The following DOT1L variants were observed in gnomAD, a reference collection of about 807,000 sequenced individuals.
DOT1L encodes the protein DOT1 like histone lysine methyltransferase.
Under a neutral mutation model 153.3 loss-of-function variants are expected in DOT1L, and 33 were observed. The observed-to-expected ratio is 0.22, with a 90% confidence interval of 0.16 to 0.29. DOT1L has a LOEUF of 0.29. DOT1L is among the 10% of genes least tolerant of loss of function. DOT1L has a pLI of 1.00. For missense variants in DOT1L, 1,847 were observed against 2,119.9 expected (o/e 0.87, Z 2.53); for synonymous variants, 1,135 against 965.1 (o/e 1.18, Z -3.26).
rs369384556 is a variant in DOT1L, at chr19:2,166,077, A to ATATGTTATGT, written c.81+1829_81+1838dup. On this transcript the variant is annotated intron_variant, in intron 1 of 27. Coordinates refer to ENST00000398665, the MANE Select transcript of DOT1L (RefSeq NM_032482.3). Reference sequence around the variant, plus strand: ...GAGCCACCGCGCCCGGCCCACATTTATATGTTATGTTATGTTATGTTATGT... The same window carrying ATATGTTATGT: ...GAGCCACCGCGCCCGGCCCACATTTATATGTTATGTTATGTTATGTTATGTTATGTTATGT... Among the ~76,000 whole-genome samples, 483 of 146,414 alleles carry ATATGTTATGT rather than the reference A, an allele frequency of 3.3e-3. 3 individuals are homozygous for ATATGTTATGT. The highest frequency in any genetic ancestry group is 0.012 in the African/African-American group (452 of 39,278).
In DOT1L at chr19:2,226,882, C is replaced by T. The variant is rs1303690024; in HGVS notation, c.4361C>T (p.Ala1454Val). The T allele has an allele frequency of 3.2e-6, 5 of 1,574,302 alleles. No homozygotes were observed. Among genetic ancestry groups the T allele is most frequent in the South Asian group, 1.1e-5 (1 of 88,208 alleles). The change falls in exon 27 of 28, where the codon GCG becomes GTG. Residue 1454 changes from alanine (A) to valine (V), a missense_variant. By Grantham distance (64) the Ala-to-Val change is moderately conservative (BLOSUM62 0). Around this residue, in one of 8 missense-constraint regions of DOT1L, gnomAD observed 934 missense variants for 825.3 expected, o/e 1.13. Transcript: ENST00000398665. ...LAPAASSAGG[A>V]ASSAQTHRSF... Reference sequence around the variant, plus strand: ...CCGGCGGCGTCCTCCGCAGGCGGCGCGGCGTCCTCCGCCCAGACGCACCGG... The same window carrying T: ...CCGGCGGCGTCCTCCGCAGGCGGCGTGGCGTCCTCCGCCCAGACGCACCGG...
rs761082911 is a variant in DOT1L at position 2,220,076 on chromosome 19, T to A, written c.2692-32T>A. ...GTTCTGGGTCTCCTGGGGCACCTGCTGCCCCTGACACACAGGGTTTTCTCT... is the reference window on the plus strand; with the variant it reads ...GTTCTGGGTCTCCTGGGGCACCTGCAGCCCCTGACACACAGGGTTTTCTCT... On this transcript the variant is annotated intron_variant, in intron 22 of 27. Coordinates refer to ENST00000398665, the MANE Select transcript of DOT1L (RefSeq NM_032482.3). The surrounding 1 kb of genome is among the most constrained non-coding windows in gnomAD (Gnocchi z 4.5). The A allele has an allele frequency of 2.5e-6, 4 of 1,569,962 alleles. No individual in the cohort carries two copies. Among genetic ancestry groups the A allele is most frequent in the Non-Finnish European group, 3.5e-6 (4 of 1,151,806 alleles).
Position 2,216,667 on chromosome 19 carries a change from C to G in DOT1L, c.2310C>G (p.Asp770Glu), listed in dbSNP as rs1179273862. The change falls in exon 20 of 28, where the codon GAC (aspartate) becomes GAG (glutamate). Residue 770 changes from aspartate to glutamate, a missense_variant. Asp to Glu is a conservative substitution (Grantham distance 45). Around this residue, in one of 8 missense-constraint regions of DOT1L, gnomAD observed 281 missense variants for 263.6 expected, o/e 1.07. Coordinates refer to ENST00000398665, the MANE Select transcript of DOT1L (RefSeq NM_032482.3). ...AGCTGTCTGGCCTAGCCGCACCCGA[C>G]TACACTAGGCTGTCCCCGGCCAAGA... ...LEKLSGLAAP[D>E]YTRLSPAKIV... 3 of 1,604,294 alleles carry G rather than the reference C, an allele frequency of 1.9e-6. No individual in the cohort carries two copies. The highest frequency in any genetic ancestry group is 1.3e-5 in the African/African-American group (1 of 75,062).
intron 1 of DOT1L, among the ~76,000 whole-genome samples, chr19:2,167,469 G>C (rs979810295): frequency 3.3e-5 from 5 of 152,222 alleles, no homozygotes; most frequent in African/African-American, 7.2e-5. Flanking sequence ...GGCGGGAGCG[G>C]GCTTTCTAGT....
chr19:2,177,792 C>A (rs186001331), intron 1 of DOT1L, among the ~76,000 whole-genome samples: 26 of 152,028 alleles, frequency 1.7e-4, no homozygotes, highest in African/African-American at 5.8e-4. Flanking sequence ...GCTGGAATCT[C>A]ACTCTGCTGC....
At chr19:2,196,593 A>T (rs2023029564) in intron 7 of DOT1L, among the ~76,000 whole-genome samples, 1 of 152,104 alleles carries the variant, frequency 6.6e-6, no homozygotes, top group Non-Finnish European at 1.5e-5. Flanking sequence ...TGCCTCCCAA[A>T]GTGCTGGGAT....
rs762128177 is a variant in DOT1L at position 2,216,542 on chromosome 19, C to G, written c.2185C>G (p.Pro729Ala). Reference protein sequence around the residue: ...GYELCGVLSRPSSKQNTPQYL... With the variant: ...GYELCGVLSRASSKQNTPQYL... ...TGAGCTCTGCGGTGTGCTGAGCCGG[C>G]CTTCGTCGAAGCAGAACACGCCCCA... Residue 729 changes from proline to alanine, a missense_variant, in exon 20 of 28, where the codon CCT (proline) becomes GCT (alanine). Physicochemically the swap from Pro to Ala is conservative, Grantham distance 27. Coordinates refer to ENST00000398665, the MANE Select transcript of DOT1L (RefSeq NM_032482.3). 6.2e-7 allele frequency: 1 copy of G among 1,611,102 alleles called. No homozygotes were observed. Among genetic ancestry groups the G allele is most frequent in the Non-Finnish European group, 8.5e-7 (1 of 1,179,784 alleles).
At chr19:2,186,536 T>C (rs989653650) in intron 3 of DOT1L, among the ~76,000 whole-genome samples, 1 of 152,220 alleles carries the variant, frequency 6.6e-6, no homozygotes, top group Non-Finnish European at 1.5e-5. Flanking sequence ...CATCAAGGGC[T>C]GTGCTGTCGT....
Position 2,190,914 on chromosome 19 carries a change from G to T in DOT1L, c.265-98G>T. Reference sequence around the variant, plus strand: ...CAGGGGGACGAGAGGCCATGCAGCCGACTCCCTGCTTCCGCTGGGAAAGGT... The same window carrying T: ...CAGGGGGACGAGAGGCCATGCAGCCTACTCCCTGCTTCCGCTGGGAAAGGT... On this transcript the variant is annotated intron_variant, in intron 4 of 27. Coordinates refer to ENST00000398665, the MANE Select transcript of DOT1L (RefSeq NM_032482.3). The surrounding 1 kb of genome is among the most constrained non-coding windows in gnomAD (Gnocchi z 4.8). The T allele has an allele frequency of 8.4e-7, 1 of 1,184,508 alleles. No homozygotes were observed. Among genetic ancestry groups the T allele is most frequent in the Admixed American group, 2.2e-5 (1 of 45,050 alleles). The allele number at this position is 1,184,508 out of a possible 1,614,324, so 73.4% of individuals were successfully genotyped here.
chr19:2,192,672 CAAAA>C (rs71176526), intron 5 of DOT1L, among the ~76,000 whole-genome samples: 3 of 95,104 alleles, frequency 3.2e-5, no homozygotes, highest in Non-Finnish European at 6.4e-5. Flanking sequence ...GACTCCGTCT[CAAAA>C]AAAAAAAAAA....
chr19:2,173,489 C>T (rs570752349), intron 1 of DOT1L, among the ~76,000 whole-genome samples: 65 of 152,312 alleles, frequency 4.3e-4, no homozygotes, highest in Non-Finnish European at 7.6e-4. Context: ...CAGAGCAGGG[C>T]GTCCTCGGGG....
intron 27 of DOT1L, chr19:2,227,955 G>T (rs771784484): frequency 3.9e-5 from 49 of 1,241,138 alleles, no homozygotes; most frequent in Non-Finnish European, 4.7e-5. Context: ...TGCGCACCTG[G>T]GCCGGTCCCC....
At chr19:2,167,034 A>AT (rs2019948345) in intron 1 of DOT1L, among the ~76,000 whole-genome samples, 2 of 151,874 alleles carry the variant, frequency 1.3e-5, no homozygotes, top group African/African-American at 4.8e-5. Context: ...AAGTTACCCC[A>AT]TTTTTTTGCT....
intron 1 of DOT1L, among the ~76,000 whole-genome samples, chr19:2,165,119 G>C (rs953852050): frequency 2.6e-5 from 4 of 152,178 alleles, no homozygotes; most frequent in Non-Finnish European, 4.4e-5. Context: ...GAGGCGGGGC[G>C]CGTGCGTCCG....
At chr19:2,169,868 C>T (rs898500339) in intron 1 of DOT1L, among the ~76,000 whole-genome samples, 2 of 152,156 alleles carry the variant, frequency 1.3e-5, no homozygotes, top group African/African-American at 4.8e-5. Flanking sequence ...AAAAAAAACA[C>T]ACGGTTGCCC....
At chr19:2,175,967 C>T (rs1052378375) in intron 1 of DOT1L, among the ~76,000 whole-genome samples, 3 of 152,160 alleles carry the variant, frequency 2.0e-5, no homozygotes, top group African/African-American at 2.4e-5. Flanking sequence ...CGAACCCAAC[C>T]GTGCTGCTCT....
chr19:2,228,273 C>G (rs371887312), intron 27 of DOT1L: 1 of 1,358,494 alleles, frequency 7.4e-7, no homozygotes, highest in Non-Finnish European at 9.8e-7. Context: ...CGCCACGGGG[C>G]CGTCCGCGGT....
chr19:2,203,531 A>T (rs1263743776), intron 9 of DOT1L, among the ~76,000 whole-genome samples: 3 of 152,190 alleles, frequency 2.0e-5, no homozygotes, highest in African/African-American at 7.2e-5. Context: ...TGGGGCTCTC[A>T]GCTGTTTTGT....
intron 1 of DOT1L, 91 bp downstream of exon 1, chr19:2,164,356 C>T: frequency 1.2e-6 from 1 of 868,016 alleles, no homozygotes; most frequent in Non-Finnish European, 1.5e-6. Flanking sequence ...CCGCGCTCAC[C>T]GGTCCCCCCT....
Sources: allele counts gnomAD v4.1 joint callset (sites outside exome capture counted in the v4.1 genomes callset), GRCh38; gene constraint gnomAD v4.1.1; regional missense constraint gnomAD v4.1.1; non-coding constraint Gnocchi (gnomAD v3.1); transcripts MANE v1.5; gene names NCBI Gene and HGNC (gene_info 2026-07-23, HGNC 2026-07-21).